CDH12: variants seen among roughly 807,000 people sequenced by gnomAD.
CDH12 encodes the protein cadherin 12.
Under a neutral mutation model 74.1 loss-of-function variants are expected in CDH12, and 41 were observed. The observed-to-expected ratio is 0.55, with a 90% CI of 0.43 to 0.72. CDH12 has a LOEUF of 0.72. CDH12 is among the 30% of genes least tolerant of loss of function. The pLI, the probability that CDH12 is intolerant of heterozygous loss-of-function variation, is 0.00. For missense variants in CDH12, 945 were observed against 977.2 expected (o/e 0.97, Z 0.44); for synonymous variants, 399 against 355.0 (o/e 1.12, Z -1.39).
At chr5:22,266,788 C>T (rs1736137724) in intron 3 of CDH12, among the ~76,000 whole-genome samples, 1 of 152,082 alleles carries the variant, frequency 6.6e-6, no homozygotes, top group African/African-American at 2.4e-5. Flanking sequence ...GATTCTTTTA[C>T]ATGCTAAATT....
intron 2 of CDH12, among the ~76,000 whole-genome samples, chr5:22,471,955 C>T (rs1745976410): frequency 6.6e-6 from 1 of 152,134 alleles, no homozygotes; most frequent in African/African-American, 2.4e-5. Flanking sequence ...TCAGAAAAGG[C>T]ACCTGAAGAT....
intron 3 of CDH12, among the ~76,000 whole-genome samples, chr5:22,220,571 T>TTTAAAAA (rs1751978840): frequency 6.8e-6 from 1 of 147,582 alleles, no homozygotes; most frequent in Non-Finnish European, 1.5e-5. Context: ...CATTTCTTCC[T>TTTAAAAA]TGTTTATAAG....
chr5:22,346,996 C>A (rs999071344), intron 3 of CDH12, among the ~76,000 whole-genome samples: 2 of 152,176 alleles, frequency 1.3e-5, no homozygotes, highest in African/African-American at 4.8e-5. Flanking sequence ...AGAAAACCAA[C>A]TTCAGATAAA....
chr5:22,078,429 A>G lies in CDH12; in HGVS notation c.231+17T>C, dbSNP rs772224019. 6.8e-6 allele frequency: 11 copies of G among 1,609,400 alleles called. No individual in the cohort carries two copies. In the South Asian group the frequency reaches 1.2e-4, roughly 18 times the overall value. On this transcript the variant is annotated intron_variant, in intron 5 of 14. Coordinates refer to ENST00000382254, the MANE Select transcript of CDH12 (RefSeq NM_004061.5). Reference sequence around the variant, plus strand: ...CCCCTTCCTATCAAGCGGTTGTCAAAAGAAATACGCCATTACCTTTCCCAC... The same window carrying G: ...CCCCTTCCTATCAAGCGGTTGTCAAGAGAAATACGCCATTACCTTTCCCAC...
intron 3 of CDH12, among the ~76,000 whole-genome samples, chr5:22,259,312 A>G (rs1379565473): frequency 6.6e-6 from 1 of 152,114 alleles, no homozygotes; most frequent in African/African-American, 2.4e-5. Context: ...ATAATTTATA[A>G]CCATCAGTAA....
intron 3 of CDH12, among the ~76,000 whole-genome samples, chr5:22,269,396 T>C (rs188855208): frequency 6.6e-6 from 1 of 152,246 alleles, no homozygotes; most frequent in Admixed American, 6.5e-5. Context: ...ATTACCCCCA[T>C]ATTAATGTCA....
At chr5:21,993,877 T>C (rs1736112174) in intron 5 of CDH12, among the ~76,000 whole-genome samples, 1 of 152,186 alleles carries the variant, frequency 6.6e-6, no homozygotes, top group Non-Finnish European at 1.5e-5. Flanking sequence ...TACTGAAATC[T>C]AATATTTGCA....
At chr5:22,644,224 G>T (rs1018646310) in intron 1 of CDH12, among the ~76,000 whole-genome samples, 2 of 152,116 alleles carry the variant, frequency 1.3e-5, no homozygotes, top group African/African-American at 4.8e-5. Flanking sequence ...AAGGCTTGCC[G>T]AAAGCTGAGA....
chr5:22,247,760 CTA>C (rs1407489014), intron 3 of CDH12, among the ~76,000 whole-genome samples: 4 of 152,122 alleles, frequency 2.6e-5, no homozygotes, highest in Admixed American at 6.5e-5. Flanking sequence ...ATAAAAAATT[CTA>C]TATGTCTTTT....
chr5:21,933,743 T>C (rs1228294083), intron 6 of CDH12, among the ~76,000 whole-genome samples: 1 of 152,136 alleles, frequency 6.6e-6, no homozygotes, highest in East Asian at 1.9e-4. Flanking sequence ...GAGATGGTAA[T>C]GGATCTGAAC....
intron 5 of CDH12, among the ~76,000 whole-genome samples, chr5:22,020,320 G>T (rs1737889232): frequency 6.6e-6 from 1 of 152,048 alleles, no homozygotes; most frequent in Non-Finnish European, 1.5e-5. Context: ...TTGGGAGGCT[G>T]AGGCGGGCAG....
intron 1 of CDH12, among the ~76,000 whole-genome samples, chr5:22,542,740 G>T (rs144055102): frequency 5.0e-4 from 76 of 152,244 alleles, no homozygotes; most frequent in Middle Eastern, 3.4e-3. Context: ...TAGTACACTT[G>T]TCAACAGAAA....
chr5:22,388,880 T>G (rs112457807), intron 3 of CDH12, among the ~76,000 whole-genome samples: 217 of 152,066 alleles, frequency 1.4e-3, no homozygotes, highest in African/African-American at 4.8e-3. Context: ...CTGAACGTCT[T>G]ATATTCAGTT....
chr5:22,447,269 TTTC>T lies in CDH12; in HGVS notation c.-427-41921_-427-41919del, dbSNP rs533064003. On this transcript the variant is annotated intron_variant, in intron 2 of 14. Transcript: ENST00000382254. ...TATCTTTTATTACATTATTCTTCTT[TTTC>T]TTCTTCTTCTTATTTCTTACAAGGT... 1.1e-4 allele frequency among the ~76,000 whole-genome samples: 16 copies of T among 152,186 alleles called. No individual in the cohort carries two copies. In the East Asian group the frequency reaches 1.7e-3, roughly 17 times the overall value.
chr5:22,444,615 A>G (rs1352594370), intron 2 of CDH12, among the ~76,000 whole-genome samples: 1 of 151,306 alleles, frequency 6.6e-6, no homozygotes, highest in Non-Finnish European at 1.5e-5. Flanking sequence ...TTAACATTCC[A>G]GTTGAGAAAC....
chr5:22,606,971 G>A (rs1194638304), intron 1 of CDH12, among the ~76,000 whole-genome samples: 1 of 152,180 alleles, frequency 6.6e-6, no homozygotes, highest in Non-Finnish European at 1.5e-5. Context: ...TTGGAAACTG[G>A]AGAAAAGATA....
chr5:22,640,553 T>C (rs1280054623), intron 1 of CDH12, among the ~76,000 whole-genome samples: 1 of 152,206 alleles, frequency 6.6e-6, no homozygotes, highest in African/African-American at 2.4e-5. Context: ...TCATATAATT[T>C]AACATCTAAT....
intron 6 of CDH12, chr5:21,889,538 C>T: frequency 1.0e-6 from 1 of 955,344 alleles, no homozygotes; most frequent in Non-Finnish European, 1.2e-6. Flanking sequence ...TGAAGCTAGA[C>T]TCCTGAAGCT....
At chr5:22,026,096 G>T (rs1225776378) in intron 5 of CDH12, among the ~76,000 whole-genome samples, 5 of 152,078 alleles carry the variant, frequency 3.3e-5, no homozygotes, top group Non-Finnish European at 7.4e-5. Flanking sequence ...AATTACAAAC[G>T]TTCTCAATAG....
Sources: allele counts gnomAD v4.1 joint callset (sites outside exome capture counted in the v4.1 genomes callset), GRCh38; gene constraint gnomAD v4.1.1; transcripts MANE v1.5; gene names NCBI Gene and HGNC (gene_info 2026-07-23, HGNC 2026-07-21).